VMA21: variants seen among roughly 807,000 people sequenced by gnomAD.
VMA21 encodes vacuolar ATPase assembly integral membrane protein VMA21.
For synonymous variants in VMA21, 47 were observed against 34.1 expected, an observed-to-expected ratio of 1.38 and a Z score of -1.32; for missense variants, 61 against 80.6, an observed-to-expected ratio of 0.76 and a Z score of 0.93.
At chrX:151,396,628 C>G (rs1205065949), upstream of VMA21, 1 of 352,237 alleles carries the variant, frequency 2.8e-6, no homozygotes, top group Non-Finnish European at 5.0e-6. Context: ...CTCTGACATT[C>G]TCTAGTTTTA....
At chrX:151,400,513 A>G (rs916219128) in intron 1 of VMA21, among the ~76,000 whole-genome samples, 1 of 111,854 alleles carries the variant, frequency 8.9e-6, no homozygotes, top group Non-Finnish European at 1.9e-5. Flanking sequence ...TGCAATGAAC[A>G]TGGAAGTGCA....
chrX:151,397,043 G>A, upstream of VMA21: 2 of 497,364 alleles, frequency 4.0e-6, no homozygotes, highest in Non-Finnish European at 3.6e-6. Flanking sequence ...GGCGCACGCC[G>A]CGGAGCCACC....
intron 2 of VMA21, among the ~76,000 whole-genome samples, chrX:151,404,263 C>T (rs1243073231): frequency 2.7e-5 from 3 of 111,648 alleles, no homozygotes; most frequent in Non-Finnish European, 5.7e-5. Flanking sequence ...TTAGTAGAGA[C>T]GGGGTTTCGC....
chrX:151,397,701 C>T (rs2011205240), intron 1 of VMA21, among the ~76,000 whole-genome samples: 1 of 112,537 alleles, frequency 8.9e-6, no homozygotes, highest in Admixed American at 9.3e-5. Flanking sequence ...TCCTTCATCT[C>T]CGTGTTCCCT....
At chrX:151,400,695 T>C (rs2011230634) in intron 1 of VMA21, among the ~76,000 whole-genome samples, 2 of 112,572 alleles carry the variant, frequency 1.8e-5, no homozygotes, top group African/African-American at 3.2e-5. Context: ...CTCCACACTT[T>C]TACAAACATT....
chrX:151,407,184 A>T lies in VMA21; in HGVS notation c.*2126A>T, dbSNP rs186883339. On this transcript the variant is annotated 3_prime_UTR_variant, in exon 3 of 3. Transcript: ENST00000330374. ...GCATTTGCTGAATAGGTGATGATAC[A>T]TGGGTATTTTTCTGCAAGTATTTAA... 2.7e-5 allele frequency: 3 copies of T among 112,972 alleles called. No individual in the cohort carries two copies. Among genetic ancestry groups the T allele is most frequent in the Admixed American group, 9.3e-5 (1 of 10,721 alleles). 9.3% of individuals were successfully genotyped at this position (112,972 alleles called of 1,213,427 possible).
Position 151,405,124 on chromosome X carries a change from T to G in VMA21, c.*66T>G. 8.7e-7 allele frequency: 1 copy of G among 1,154,261 alleles called. No individual in the cohort carries two copies. Among genetic ancestry groups the G allele is most frequent in the Non-Finnish European group, 1.2e-6 (1 of 852,597 alleles). On this transcript the variant is annotated 3_prime_UTR_variant, in exon 3 of 3. Coordinates refer to ENST00000330374, the MANE Select transcript of VMA21 (RefSeq NM_001017980.4). ...AAATGATAAATGCTGGAGGGGGCCA[T>G]CTGATTTGAATAAAGTTGAAAGAAC...
In VMA21 at chrX:151,408,479, T is replaced by C. The variant is rs1035712699; in HGVS notation, c.*3421T>C. ...TGTTTAATTTATGCCCAAGTGAAGT[T>C]GTAAACTTATGGTTCAACTCTGACA... On this transcript the variant is annotated 3_prime_UTR_variant, in exon 3 of 3. Coordinates refer to ENST00000330374, the MANE Select transcript of VMA21 (RefSeq NM_001017980.4). 1.8e-5 allele frequency: 2 copies of C among 112,508 alleles called. No individual in the cohort carries two copies. Among genetic ancestry groups the C allele is most frequent in the Middle Eastern group, 4.6e-3 (1 of 218 alleles). 9.3% of individuals were successfully genotyped at this position (112,508 alleles called of 1,213,427 possible).
In VMA21 at chrX:151,397,223, C is replaced by G; in HGVS notation, c.-86C>G. 3 of 1,065,601 alleles carry G rather than the reference C, an allele frequency of 2.8e-6. No homozygotes were observed. Among genetic ancestry groups the G allele is most frequent in the Non-Finnish European group, 3.7e-6 (3 of 800,373 alleles). 87.8% of individuals were successfully genotyped at this position (1,065,601 alleles called of 1,213,427 possible). A position where few individuals can be genotyped will look rare whatever the true frequency, so the allele number is the denominator to read the frequency against. ...GAACCGCTACTTCCGGTGCGAACCG[C>G]CTCGGCCGTTCCCTCGCGGAGCTTA... On this transcript the variant is annotated 5_prime_UTR_variant, in exon 1 of 3. Transcript: ENST00000330374.
chrX:151,404,135 G>A (rs1055152267), intron 2 of VMA21, among the ~76,000 whole-genome samples: 4 of 107,825 alleles, frequency 3.7e-5, no homozygotes, highest in African/African-American at 1.4e-4. Flanking sequence ...GTGCAATGGC[G>A]CGATCTCGGC....
chrX:151,404,825 T>C, intron 2 of VMA21, 91 bp from the exon 3 acceptor site: 6 of 1,058,907 alleles, frequency 5.7e-6, no homozygotes, highest in Non-Finnish European at 7.8e-6. Flanking sequence ...GTTAAATAAA[T>C]ACATCATAAA....
intron 1 of VMA21, among the ~76,000 whole-genome samples, chrX:151,400,210 C>T (rs2011227026): frequency 9.2e-6 from 1 of 108,576 alleles, no homozygotes; most frequent in African/African-American, 3.4e-5. Flanking sequence ...CCCACCCCCA[C>T]CGCCATGGTA....
intron 1 of VMA21, among the ~76,000 whole-genome samples, chrX:151,400,965 A>G: frequency 8.9e-6 from 1 of 112,025 alleles, no homozygotes; most frequent in East Asian, 2.8e-4. Flanking sequence ...GTTCGCAAAT[A>G]TGTTTTCCTA....
chrX:151,398,031 A>C (rs1483033776), intron 1 of VMA21, among the ~76,000 whole-genome samples: 1 of 110,623 alleles, frequency 9.0e-6, no homozygotes, highest in Non-Finnish European at 1.9e-5. Context: ...GTTGAGGGTA[A>C]GTGACTTGAA....
chrX:151,399,911 C>G (rs2011225081), intron 1 of VMA21, among the ~76,000 whole-genome samples: 1 of 110,644 alleles, frequency 9.0e-6, no homozygotes, highest in South Asian at 3.7e-4. Context: ...TGTTCAGGTT[C>G]TTTTTAAATA....
rs925087051 is a variant in VMA21, at chrX:151,397,284, G to C, written c.-25G>C. 3.5e-6 allele frequency: 4 copies of C among 1,154,768 alleles called. No homozygotes were observed. Among genetic ancestry groups the C allele is most frequent in the Non-Finnish European group, 3.4e-6 (3 of 869,576 alleles). On this transcript the variant is annotated 5_prime_UTR_variant, in exon 1 of 3. Transcript: ENST00000330374. Reference sequence around the variant, plus strand: ...CCGCCGAGCCCAGCTCCGCCGCCGAGCGCCTGTGCCGGCACGGCTACACCA... The same window carrying C: ...CCGCCGAGCCCAGCTCCGCCGCCGACCGCCTGTGCCGGCACGGCTACACCA...
In VMA21 at chrX:151,406,020, C is replaced by T. The variant is rs769416762; in HGVS notation, c.*962C>T. 1 of 110,902 alleles carries T rather than the reference C, an allele frequency of 9.0e-6. No homozygotes were observed. The highest frequency in any genetic ancestry group is 1.9e-5 in the Non-Finnish European group (1 of 52,968). The allele number at this position is 110,902 out of a possible 1,213,427, so 9.1% of individuals were successfully genotyped here. ...AAAAACCTTGATTTTATTTTCGTAT[C>T]TTTAGTCTGTGTTCTTTCTAGTTAT... On this transcript the variant is annotated 3_prime_UTR_variant, in exon 3 of 3. Coordinates refer to ENST00000330374, the MANE Select transcript of VMA21 (RefSeq NM_001017980.4).
intron 2 of VMA21, among the ~76,000 whole-genome samples, chrX:151,404,493 G>A (rs1345372365): frequency 3.6e-5 from 4 of 112,049 alleles, no homozygotes; most frequent in African/African-American, 1.3e-4. Flanking sequence ...ATCTCGGCTC[G>A]CGTCAAGCTC....
rs1314690916 is a variant in VMA21, at chrX:151,405,994, A to G, written c.*936A>G. ...ATTCTCCTTGGGCATATCTGATGGA[A>G]AAAAACCTTGATTTTATTTTCGTAT... is the stretch of plus-strand genomic sequence containing the variant. On this transcript the variant is annotated 3_prime_UTR_variant, in exon 3 of 3. Transcript: ENST00000330374. 2 of 111,634 alleles carry G rather than the reference A, an allele frequency of 1.8e-5. No homozygotes were observed. Among genetic ancestry groups the G allele is most frequent in the Non-Finnish European group, 3.8e-5 (2 of 53,160 alleles). The allele number at this position is 111,634 out of a possible 1,213,427, so 9.2% of individuals were successfully genotyped here.
Sources: allele counts gnomAD v4.1 joint callset (sites outside exome capture counted in the v4.1 genomes callset), GRCh38; gene constraint gnomAD v4.1.1; transcripts MANE v1.5; gene names NCBI Gene and HGNC (gene_info 2026-07-23, HGNC 2026-07-21).